Variants in SPATA16 observed in about 807,000 individuals in gnomAD.
SPATA16 encodes spermatogenesis associated 16.
In SPATA16, 36 loss-of-function variants were observed where a neutral mutation model predicts 63.3. The ratio of observed to expected loss-of-function variants is 0.57; its 90% CI spans 0.44 to 0.75. The LOEUF (loss-of-function observed/expected upper bound fraction) is 0.75, where lower values mean the gene tolerates loss of function less well. Among genes scored for constraint, SPATA16 ranks in the 30% least tolerant of loss-of-function variants. SPATA16 has a pLI of 0.00. For synonymous variants in SPATA16, 203 were observed against 216.7 expected (o/e 0.94, Z 0.56); for missense variants, 646 against 679.3 (o/e 0.95, Z 0.54).
chr3:172,909,816 C>T (rs879831101), intron 10 of SPATA16, among the ~76,000 whole-genome samples: 1 of 152,074 alleles, frequency 6.6e-6, no homozygotes, highest in Non-Finnish European at 1.5e-5. Context: ...CAATAGATAA[C>T]AACTGTAATG....
intron 4 of SPATA16, among the ~76,000 whole-genome samples, chr3:172,979,116 A>C (rs1229799074): frequency 6.6e-6 from 1 of 152,178 alleles, no homozygotes; most frequent in Non-Finnish European, 1.5e-5. Context: ...GGGCGCCTGT[A>C]GTCCCAGCTA....
chr3:172,979,481 TGTTA>T (rs72446319), intron 4 of SPATA16, among the ~76,000 whole-genome samples: 1,713 of 152,302 alleles, frequency 0.011, 25 homozygotes, highest in African/African-American at 0.039. Context: ...ATTTTTATAA[TGTTA>T]GTTATTGTCA....
chr3:173,109,849 T>C (rs1737707343), intron 2 of SPATA16, among the ~76,000 whole-genome samples: 1 of 152,216 alleles, frequency 6.6e-6, no homozygotes, highest in South Asian at 2.1e-4. Flanking sequence ...TATTTGTATT[T>C]CCAGCATCTA....
At chr3:173,073,161 G>C (rs1244058965) in intron 2 of SPATA16, among the ~76,000 whole-genome samples, 2 of 152,104 alleles carry the variant, frequency 1.3e-5, no homozygotes, top group African/African-American at 4.8e-5. Flanking sequence ...AGGTGACTTG[G>C]GTGCTGTTAA....
chr3:172,981,312 A>T (rs1245945276), intron 4 of SPATA16, among the ~76,000 whole-genome samples: 2 of 152,182 alleles, frequency 1.3e-5, no homozygotes, highest in South Asian at 4.1e-4. Flanking sequence ...TGATCCCATT[A>T]AAATTAGGAT....
chr3:172,920,665 T>G (rs1169795087), intron 8 of SPATA16, among the ~76,000 whole-genome samples: 1 of 152,196 alleles, frequency 6.6e-6, no homozygotes, highest in African/African-American at 2.4e-5. Flanking sequence ...CCAAGTTAAC[T>G]TTTTTCTAAT....
intron 2 of SPATA16, among the ~76,000 whole-genome samples, chr3:173,059,435 TATTC>T (rs994408910): frequency 6.6e-6 from 1 of 151,900 alleles, no homozygotes; most frequent in African/African-American, 2.4e-5. Context: ...TACTTTTTCT[TATTC>T]ATTATCTTAC....
chr3:173,044,571 T>C (rs1017440104), intron 3 of SPATA16, among the ~76,000 whole-genome samples: 1 of 152,148 alleles, frequency 6.6e-6, no homozygotes. Context: ...CAGTTCTACA[T>C]CTGGGTCTCG....
intron 2 of SPATA16, among the ~76,000 whole-genome samples, chr3:173,098,921 T>C (rs372190313): frequency 1.3e-5 from 2 of 152,148 alleles, no homozygotes; most frequent in African/African-American, 4.8e-5. Context: ...ATCACAATGT[T>C]CTTTCAAAAG....
intron 2 of SPATA16, among the ~76,000 whole-genome samples, chr3:173,076,881 G>T (rs1438158792): frequency 6.6e-6 from 1 of 152,118 alleles, no homozygotes; most frequent in Non-Finnish European, 1.5e-5. Flanking sequence ...TGGCCAGGAA[G>T]TGCATGCTCT....
At chr3:172,924,629 G>A (rs1732686972) in intron 7 of SPATA16, among the ~76,000 whole-genome samples, 2 of 152,146 alleles carry the variant, frequency 1.3e-5, no homozygotes, top group Admixed American at 1.3e-4. Context: ...GTGAAAAAAT[G>A]CGTCATAAAT....
chr3:172,990,852 G>T (rs1241708896), intron 4 of SPATA16, among the ~76,000 whole-genome samples: 3 of 151,968 alleles, frequency 2.0e-5, no homozygotes, highest in African/African-American at 7.3e-5. Flanking sequence ...TTTGGACCAG[G>T]GTGACAGTCA....
At chr3:173,076,284 T>C (rs921987250) in intron 2 of SPATA16, among the ~76,000 whole-genome samples, 1 of 152,170 alleles carries the variant, frequency 6.6e-6, no homozygotes, top group African/African-American at 2.4e-5. Context: ...ATACTAGAAA[T>C]TGACGTTTGT....
chr3:173,059,201 A>T lies in SPATA16; in HGVS notation c.613-10107T>A, dbSNP rs117794570. Among the ~76,000 whole-genome samples, 180 of 151,982 alleles carry T rather than the reference A, an allele frequency of 1.2e-3. 5 individuals carry two copies. In the East Asian group the frequency reaches 0.031, roughly 26 times the overall value. On this transcript the variant is annotated intron_variant, in intron 2 of 10. Transcript: ENST00000351008. ...TGATTATTGTGTTTTCTCTAAAAACAACAAACTCTTAGATTAATTGATTAA... is the reference window on the plus strand; with the variant it reads ...TGATTATTGTGTTTTCTCTAAAAACTACAAACTCTTAGATTAATTGATTAA...
intron 2 of SPATA16, among the ~76,000 whole-genome samples, chr3:173,090,206 A>T (rs146904992): frequency 2.0e-5 from 3 of 152,252 alleles, no homozygotes; most frequent in Non-Finnish European, 4.4e-5. Context: ...CACTGTTCTC[A>T]TGATAGTGAG....
chr3:172,986,223 G>A (rs936157970), intron 4 of SPATA16, among the ~76,000 whole-genome samples: 2 of 152,178 alleles, frequency 1.3e-5, no homozygotes, highest in Middle Eastern at 3.2e-3. Context: ...ATTGGCTGCT[G>A]TTACAAATAG....
At chr3:173,063,755 T>C (rs1335987028) in intron 2 of SPATA16, among the ~76,000 whole-genome samples, 1 of 152,136 alleles carries the variant, frequency 6.6e-6, no homozygotes, top group Non-Finnish European at 1.5e-5. Context: ...TAAATGTAAG[T>C]GGGGAAAATT....
chr3:172,925,279 A>AT, intron 7 of SPATA16, 67 bp downstream of exon 7: 2 of 1,582,704 alleles, frequency 1.3e-6, no homozygotes, highest in South Asian at 1.1e-5. Context: ...TAACTCAAAC[A>AT]TTTTTTGGGG....
intron 3 of SPATA16, among the ~76,000 whole-genome samples, chr3:173,034,233 A>AT (rs1402071996): frequency 1.3e-5 from 2 of 152,102 alleles, no homozygotes; most frequent in Non-Finnish European, 2.9e-5. Context: ...GCATTCTATT[A>AT]TTTTTTATGC....
Sources: allele counts gnomAD v4.1 joint callset (sites outside exome capture counted in the v4.1 genomes callset), GRCh38; gene constraint gnomAD v4.1.1; transcripts MANE v1.5; gene names NCBI Gene and HGNC (gene_info 2026-07-23, HGNC 2026-07-21).